CACNA1C: variants seen among roughly 807,000 people sequenced by gnomAD.
The protein encoded by CACNA1C is calcium voltage-gated channel subunit alpha1 C.
Under a neutral mutation model 229.0 loss-of-function variants are expected in CACNA1C, and 30 were observed. The ratio of observed to expected loss-of-function variants is 0.13; its 90% CI spans 0.10 to 0.18. The LOEUF is 0.18. Ranked by LOEUF, CACNA1C falls within the 10% of genes least tolerant of loss-of-function variation. CACNA1C has a pLI of 1.00. For missense variants in CACNA1C, 1,658 were observed against 2,845.0 expected, an observed-to-expected ratio of 0.58 and a Z score of 9.49; for synonymous variants, 1,114 against 1,132.5, an observed-to-expected ratio of 0.98 and a Z score of 0.33.
At chr12:1,974,817 C>T (rs1355354615) in intron 1 of CACNA1C, among the ~76,000 whole-genome samples, 6 of 152,148 alleles carry the variant, frequency 3.9e-5, no homozygotes, top group Non-Finnish European at 7.4e-5. Flanking sequence ...TCTCAATGTA[C>T]ATAAATAAGT....
intron 3 of CACNA1C, among the ~76,000 whole-genome samples, chr12:2,323,668 A>T (rs555904570): frequency 6.6e-6 from 1 of 152,318 alleles, no homozygotes; most frequent in South Asian, 2.1e-4. Context: ...GTGACAGCTC[A>T]TCCCACAGTT....
At chr12:2,541,833 G>T (rs1420967834) in intron 9 of CACNA1C, among the ~76,000 whole-genome samples, 1 of 152,232 alleles carries the variant, frequency 6.6e-6, no homozygotes, top group Non-Finnish European at 1.5e-5. Flanking sequence ...GTGACCAAAG[G>T]TTTCGGAACT....
chr12:1,981,547 G>A (rs2036134994), intron 1 of CACNA1C, among the ~76,000 whole-genome samples: 1 of 152,152 alleles, frequency 6.6e-6, no homozygotes, highest in Admixed American at 6.5e-5. Context: ...TTCTAGCTCA[G>A]ATTTAGCATG....
At chr12:2,672,728 A>G (rs1426101456) in intron 38 of CACNA1C, among the ~76,000 whole-genome samples, 1 of 152,184 alleles carries the variant, frequency 6.6e-6, no homozygotes, top group Non-Finnish European at 1.5e-5. Flanking sequence ...AACTAATTAC[A>G]TTGGTGAAAA....
intron 3 of CACNA1C, among the ~76,000 whole-genome samples, chr12:2,353,539 C>T (rs982091863): frequency 2.6e-5 from 4 of 152,196 alleles, no homozygotes; most frequent in Non-Finnish European, 5.9e-5. Flanking sequence ...GAGAGGGAGA[C>T]GTGGAGGGTC....
intron 3 of CACNA1C, among the ~76,000 whole-genome samples, chr12:2,350,404 G>T (rs975439162): frequency 1.3e-4 from 19 of 149,106 alleles, no homozygotes; most frequent in Admixed American, 8.8e-4. Flanking sequence ...GTAGTAAACA[G>T]TCATATAACT....
intron 28 of CACNA1C, among the ~76,000 whole-genome samples, chr12:2,611,321 G>A (rs1286152536): frequency 1.0e-4 from 15 of 146,138 alleles, no homozygotes; most frequent in Admixed American, 1.0e-3. Context: ...ATGGAGAACG[G>A]AGGGATGAGC....
chr12:2,225,117 G>A (rs1243050989), intron 3 of CACNA1C, among the ~76,000 whole-genome samples: 1 of 152,098 alleles, frequency 6.6e-6, no homozygotes, highest in Non-Finnish European at 1.5e-5. Context: ...TCTGCTTTTT[G>A]TTTTTCCATC....
At chr12:2,194,741 A>G (rs1055201163) in intron 3 of CACNA1C, among the ~76,000 whole-genome samples, 1 of 152,046 alleles carries the variant, frequency 6.6e-6, no homozygotes, top group Non-Finnish European at 1.5e-5. Context: ...CCATGCAGGA[A>G]CGTTTCTCCC....
intron 1 of CACNA1C, among the ~76,000 whole-genome samples, chr12:2,099,234 T>C (rs1016406075): frequency 2.0e-5 from 3 of 152,222 alleles, no homozygotes; most frequent in African/African-American, 7.2e-5. Context: ...ATCTTGCCCA[T>C]GTTTCTCAGC....
chr12:2,594,401 G>A (rs2067044483), intron 19 of CACNA1C, among the ~76,000 whole-genome samples: 1 of 151,986 alleles, frequency 6.6e-6, no homozygotes, highest in Admixed American at 6.6e-5. Flanking sequence ...TTGTCTTTCT[G>A]TATTCTGGGA....
chr12:2,155,653 GCTGAAAGGAGAAA>G (rs1386767445), intron 3 of CACNA1C, among the ~76,000 whole-genome samples: 1 of 152,108 alleles, frequency 6.6e-6, no homozygotes, highest in Non-Finnish European at 1.5e-5. Context: ...ATATTGGATT[GCTGAAAGGAGAAA>G]CTGACCACCT....
intron 3 of CACNA1C, among the ~76,000 whole-genome samples, chr12:2,444,594 A>G (rs1242858986): frequency 6.6e-6 from 1 of 151,990 alleles, no homozygotes; most frequent in Non-Finnish European, 1.5e-5. Context: ...CTGATCCCCA[A>G]TATCTCCACT....
At chr12:2,045,741 A>AGGTTAGGGTAGCGCAGTG (rs2050930353) in intron 1 of CACNA1C, among the ~76,000 whole-genome samples, 1 of 152,150 alleles carries the variant, frequency 6.6e-6, no homozygotes, top group Non-Finnish European at 1.5e-5. Context: ...ACATTCCTGT[A>AGGTTAGGGTAGCGCAGTG]GGTTAGGGTA....
chr12:2,350,746 C>G (rs1486911272), intron 3 of CACNA1C, among the ~76,000 whole-genome samples: 1 of 152,230 alleles, frequency 6.6e-6, no homozygotes, highest in Non-Finnish European at 1.5e-5. Flanking sequence ...GCCCTTTCCC[C>G]TGGACAATTG....
intron 9 of CACNA1C, among the ~76,000 whole-genome samples, chr12:2,527,369 C>T (rs1189238960): frequency 6.6e-6 from 1 of 152,172 alleles, no homozygotes; most frequent in African/African-American, 2.4e-5. Context: ...CTCTCAACAA[C>T]TTACTGATGA....
chr12:2,596,793 C>T (rs2068457332), intron 20 of CACNA1C, among the ~76,000 whole-genome samples: 1 of 152,214 alleles, frequency 6.6e-6, no homozygotes, highest in African/African-American at 2.4e-5. Flanking sequence ...AGGAAGCTGG[C>T]CAGCTCAGTC....
chr12:2,553,976 G>A (rs774415012), intron 10 of CACNA1C, among the ~76,000 whole-genome samples: 10 of 152,194 alleles, frequency 6.6e-5, no homozygotes, highest in Non-Finnish European at 1.0e-4. Context: ...TGAGTCAGAC[G>A]CATTGTCAAT....
intron 4 of CACNA1C, among the ~76,000 whole-genome samples, chr12:2,456,349 C>G (rs2099418689): frequency 6.6e-6 from 1 of 152,238 alleles, no homozygotes; most frequent in African/African-American, 2.4e-5. Flanking sequence ...TCGCCCCCGA[C>G]AGGGGAGTCT....
Sources: gnomAD v4.1 joint callset for allele counts (sites outside exome capture counted in the v4.1 genomes callset) on GRCh38, gnomAD v4.1.1 for gene constraint, MANE v1.5 for transcripts, NCBI Gene and HGNC (gene_info 2026-07-23, HGNC 2026-07-21) for gene names.